NTN1: variants seen among roughly 807,000 people sequenced by gnomAD.
The protein encoded by NTN1 is netrin 1.
Under a neutral mutation model 54.2 loss-of-function variants are expected in NTN1, and 11 were observed. The observed-to-expected ratio is 0.20, with a 90% CI of 0.13 to 0.34. The LOEUF is 0.34. Among genes scored for constraint, NTN1 ranks in the 10% least tolerant of loss-of-function variants. NTN1 has a pLI of 1.00. For synonymous variants in NTN1, 371 were observed against 382.0 expected (o/e 0.97, Z 0.33); for missense variants, 740 against 893.1 (o/e 0.83, Z 2.18).
At chr17:9,098,482 G>C (rs1225272574) in intron 2 of NTN1, among the ~76,000 whole-genome samples, 1 of 152,234 alleles carries the variant, frequency 6.6e-6, no homozygotes, top group Non-Finnish European at 1.5e-5. Context: ...GGTCATTGCA[G>C]CATATCTGGC....
chr17:9,186,914 A>C (rs932463015), intron 5 of NTN1, among the ~76,000 whole-genome samples: 1 of 152,174 alleles, frequency 6.6e-6, no homozygotes, highest in African/African-American at 2.4e-5. Context: ...ATGCGGCATT[A>C]GCGAGGGGTT....
At chr17:9,106,467 CCCTT>C (rs200226901) in intron 2 of NTN1, among the ~76,000 whole-genome samples, 7,672 of 119,538 alleles carry the variant, frequency 0.064, 290 homozygotes, top group Non-Finnish European at 0.085. Context: ...CTTCCTTCCT[CCCTT>C]CCTTCCTTCC....
At chr17:9,198,373 C>T (rs1904694036) in intron 5 of NTN1, among the ~76,000 whole-genome samples, 1 of 152,230 alleles carries the variant, frequency 6.6e-6, no homozygotes, top group South Asian at 2.1e-4. Context: ...TCCCGGATAT[C>T]TCCAGGGAAA....
At chr17:9,158,332 C>T (rs1050521999) in intron 2 of NTN1, among the ~76,000 whole-genome samples, 1 of 152,160 alleles carries the variant, frequency 6.6e-6, no homozygotes, top group African/African-American at 2.4e-5. Flanking sequence ...AGAAGGGGCT[C>T]AGAGGTTAGG....
At chr17:9,231,935 C>T (rs1348216790) in intron 6 of NTN1, among the ~76,000 whole-genome samples, 3 of 152,108 alleles carry the variant, frequency 2.0e-5, no homozygotes, top group Admixed American at 1.3e-4. Context: ...ACTGCTCCAC[C>T]CTCCTACTGG....
the NTN1 span, among the ~76,000 whole-genome samples, chr17:9,015,833 G>T: frequency 6.6e-6 from 1 of 152,128 alleles, no homozygotes; most frequent in Admixed American, 6.5e-5. Context: ...CACTTTGGGA[G>T]GCCAAGGCGG....
chr17:9,193,011 C>T (rs572610013), intron 5 of NTN1, among the ~76,000 whole-genome samples: 15 of 142,026 alleles, frequency 1.1e-4, no homozygotes, highest in Admixed American at 1.0e-3. Flanking sequence ...ACCCTGGAGG[C>T]GGAGGTTGCA....
intron 3 of NTN1, among the ~76,000 whole-genome samples, chr17:9,170,876 AC>A (rs1567727829): frequency 2.6e-5 from 4 of 151,108 alleles, no homozygotes; most frequent in African/African-American, 9.7e-5. Flanking sequence ...ACACACACAC[AC>A]ACACACTCAC....
intron 2 of NTN1, among the ~76,000 whole-genome samples, chr17:9,039,310 T>A (rs1464279645): frequency 6.6e-6 from 1 of 152,236 alleles, no homozygotes; most frequent in Admixed American, 6.5e-5. Flanking sequence ...GACAGCAGTG[T>A]TGTTAAAATG....
At position 9,222,511 on chromosome 17, in the gene NTN1, G is replaced by A. The variant is rs1025227682; in HGVS notation, c.1486+1269G>A. On this transcript the variant is annotated intron_variant, in intron 6 of 6. Transcript: ENST00000173229. ...ATGATGCCACTTGCTGAGTGTATAC[G>A]GGGAGGACAGAGCACGGGTGCCTAA... Among the ~76,000 whole-genome samples the A allele has an allele frequency of 2.8e-4, 43 of 152,188 alleles. 1 individual carries two copies. Among genetic ancestry groups the A allele is most frequent in the African/African-American group, 7.7e-4 (32 of 41,444 alleles).
chr17:9,020,471 G>A (rs181823211), upstream of NTN1, among the ~76,000 whole-genome samples: 10 of 152,318 alleles, frequency 6.6e-5, no homozygotes, highest in African/African-American at 2.4e-4. Flanking sequence ...ACCATCATTC[G>A]GCAAGGTTAT....
chr17:9,060,093 T>C (rs144139103), intron 2 of NTN1, among the ~76,000 whole-genome samples: 33 of 152,230 alleles, frequency 2.2e-4, no homozygotes, highest in Non-Finnish European at 4.3e-4. Context: ...AAGCGTACAG[T>C]TGGCCCTCGA....
intron 2 of NTN1, among the ~76,000 whole-genome samples, chr17:9,143,211 A>G (rs1207705641): frequency 6.6e-6 from 1 of 152,194 alleles, no homozygotes; most frequent in Non-Finnish European, 1.5e-5. Flanking sequence ...ATAAAGGGCC[A>G]CAGACTCCAG....
intron 2 of NTN1, among the ~76,000 whole-genome samples, chr17:9,036,383 C>CTTTTTTT (rs869283987): frequency 3.7e-5 from 4 of 107,220 alleles, no homozygotes; most frequent in Non-Finnish European, 5.4e-5. Flanking sequence ...CGTCTCTTAT[C>CTTTTTTT]TTTTTTTTTT....
At chr17:9,190,719 G>A (rs1428183950) in intron 5 of NTN1, among the ~76,000 whole-genome samples, 1 of 152,208 alleles carries the variant, frequency 6.6e-6, no homozygotes, top group Non-Finnish European at 1.5e-5. Context: ...GGACATGGTA[G>A]TGAGCGCCTG....
At chr17:9,133,996 C>G (rs376601768) in intron 2 of NTN1, among the ~76,000 whole-genome samples, 1 of 149,878 alleles carries the variant, frequency 6.7e-6, no homozygotes. Flanking sequence ...CCTCTGCCTC[C>G]CGAGTTCAAG....
intron 6 of NTN1, among the ~76,000 whole-genome samples, chr17:9,229,067 ATTGTGT>A (rs1310754903): frequency 1.5e-5 from 2 of 131,106 alleles, no homozygotes; most frequent in Non-Finnish European, 3.2e-5. Flanking sequence ...TGCGTGTGTG[ATTGTGT>A]TTGTGACTGT....
intron 3 of NTN1, chr17:9,175,296 G>C (rs2092397055): frequency 6.6e-6 from 1 of 152,148 alleles, no homozygotes; most frequent in African/African-American, 2.4e-5. Context: ...GAAGTCCCTG[G>C]GTACTCCCTC....
At chr17:9,138,990 G>A (rs890971208) in intron 2 of NTN1, among the ~76,000 whole-genome samples, 1 of 152,196 alleles carries the variant, frequency 6.6e-6, no homozygotes, top group African/African-American at 2.4e-5. Context: ...ATTTTCCAGT[G>A]TGGCGTGTGG....
Sources: gnomAD v4.1 joint callset for allele counts (sites outside exome capture counted in the v4.1 genomes callset) on GRCh38, gnomAD v4.1.1 for gene constraint, MANE v1.5 for transcripts, NCBI Gene and HGNC (gene_info 2026-07-23, HGNC 2026-07-21) for gene names.